The following PHACTR1 variants were observed in gnomAD, a reference collection of about 807,000 sequenced individuals.
The protein encoded by PHACTR1 is RPEL repeat containing 1.
Under a neutral mutation model 69.2 loss-of-function variants are expected in PHACTR1, and 16 were observed. The observed-to-expected ratio is 0.23, with a 90% confidence interval of 0.16 to 0.35. The LOEUF (loss-of-function observed/expected upper bound fraction) is 0.35. Ranked by LOEUF, PHACTR1 falls within the 10% of genes least tolerant of loss-of-function variation. The pLI, the probability that PHACTR1 is intolerant of heterozygous loss-of-function variation, is 1.00. For synonymous variants in PHACTR1, 312 were observed against 284.5 expected, an observed-to-expected ratio of 1.10 and a Z score of -0.97; for missense variants, 510 against 734.7, an observed-to-expected ratio of 0.69 and a Z score of 3.54.
chr6:13,190,190 A>ATTTTTTT (rs1583823890), intron 7 of PHACTR1, among the ~76,000 whole-genome samples: 4 of 29,218 alleles, frequency 1.4e-4, no homozygotes, highest in African/African-American at 6.4e-4. Context: ...TGCTCAGCTA[A>ATTTTTTT]TTTTTGTATT....
intron 8 of PHACTR1, among the ~76,000 whole-genome samples, chr6:13,220,960 G>A (rs954619607): frequency 2.0e-5 from 3 of 152,166 alleles, no homozygotes; most frequent in Admixed American, 6.5e-5. Context: ...TAAATGCTTA[G>A]CCTGTAATTA....
chr6:13,071,641 T>G (rs1378944587), intron 5 of PHACTR1, among the ~76,000 whole-genome samples: 1 of 152,172 alleles, frequency 6.6e-6, no homozygotes, highest in Non-Finnish European at 1.5e-5. Context: ...TATTGTAATG[T>G]TTGGTCTATT....
intron 4 of PHACTR1, among the ~76,000 whole-genome samples, chr6:12,814,241 A>G (rs548353810): frequency 2.0e-5 from 3 of 152,278 alleles, no homozygotes; most frequent in Non-Finnish European, 2.9e-5. Flanking sequence ...TAGTGTTGTG[A>G]TGAAAGAGGA....
intron 4 of PHACTR1, among the ~76,000 whole-genome samples, chr6:12,751,758 T>C (rs1766644859): frequency 6.6e-6 from 1 of 152,182 alleles, no homozygotes; most frequent in Non-Finnish European, 1.5e-5. Context: ...AAGCACTCAG[T>C]CCCTTCTATA....
chr6:13,091,495 A>G (rs1561817459), intron 5 of PHACTR1, among the ~76,000 whole-genome samples: 1 of 152,180 alleles, frequency 6.6e-6, no homozygotes, highest in Non-Finnish European at 1.5e-5. Flanking sequence ...CTTTTTTGGC[A>G]CCAGGGACCA....
intron 4 of PHACTR1, among the ~76,000 whole-genome samples, chr6:12,950,076 T>C (rs1401207670): frequency 6.6e-6 from 1 of 152,252 alleles, no homozygotes; most frequent in East Asian, 1.9e-4. Context: ...ATAATCATTT[T>C]GATAATTTCT....
intron 7 of PHACTR1, among the ~76,000 whole-genome samples, chr6:13,189,629 A>C (rs1416348516): frequency 1.3e-5 from 2 of 152,060 alleles, no homozygotes; most frequent in East Asian, 3.9e-4. Context: ...GGACCTCCTG[A>C]GCTCAAGTGA....
At chr6:13,142,187 C>G (rs140160898) in intron 5 of PHACTR1, among the ~76,000 whole-genome samples, 1 of 152,346 alleles carries the variant, frequency 6.6e-6, no homozygotes, top group East Asian at 1.9e-4. Context: ...CAACTACTGT[C>G]TGCCTCCTGG....
At position 13,244,301 on chromosome 6, in the gene PHACTR1, G is replaced by A. The variant is rs1226288278; in HGVS notation, c.1391+14108G>A. Among the ~76,000 whole-genome samples the A allele has an allele frequency of 5.9e-5, 9 of 152,302 alleles. No homozygotes were observed. In the South Asian group the frequency reaches 6.2e-4, roughly 11 times the overall value. Reference sequence around the variant, plus strand: ...ATCACAAGGCAAGTGGAGGCAGGGCGAGATCACAGGACCACAGCTGCCAGG... The same window carrying A: ...ATCACAAGGCAAGTGGAGGCAGGGCAAGATCACAGGACCACAGCTGCCAGG... On this transcript the variant is annotated intron_variant, in intron 10 of 14. Coordinates refer to ENST00000332995, the MANE Select transcript of PHACTR1 (RefSeq NM_030948.6).
At chr6:12,894,149 A>G (rs1320692737) in intron 4 of PHACTR1, among the ~76,000 whole-genome samples, 1 of 152,260 alleles carries the variant, frequency 6.6e-6, no homozygotes, top group Non-Finnish European at 1.5e-5. Context: ...TAACTCATCT[A>G]TTCAAGTACT....
intron 6 of PHACTR1, among the ~76,000 whole-genome samples, chr6:13,181,102 G>A (rs1470607859): frequency 6.7e-6 from 1 of 150,180 alleles, no homozygotes; most frequent in African/African-American, 2.5e-5. Context: ...GAAGATTCAG[G>A]TCAAACACCA....
At chr6:12,908,755 C>G (rs1357908364) in intron 4 of PHACTR1, among the ~76,000 whole-genome samples, 1 of 152,104 alleles carries the variant, frequency 6.6e-6, no homozygotes, top group Non-Finnish European at 1.5e-5. Context: ...GCAGGTCAGC[C>G]GGGTGCTGGA....
chr6:13,145,678 CT>C (rs1823227440), intron 5 of PHACTR1, among the ~76,000 whole-genome samples: 1 of 152,162 alleles, frequency 6.6e-6, no homozygotes, highest in South Asian at 2.1e-4. Flanking sequence ...AGAGAGCTCT[CT>C]TTCTCTGAGC....
intron 6 of PHACTR1, among the ~76,000 whole-genome samples, chr6:13,182,009 G>A (rs1227017257): frequency 2.0e-5 from 3 of 152,164 alleles, no homozygotes; most frequent in Non-Finnish European, 4.4e-5. Context: ...CCAGGTGGGC[G>A]GATCACCTGA....
intron 10 of PHACTR1, among the ~76,000 whole-genome samples, chr6:13,263,199 A>G (rs1043831161): frequency 5.3e-5 from 8 of 150,002 alleles, no homozygotes; most frequent in African/African-American, 2.0e-4. Context: ...TCTTTTTCCA[A>G]GGTCAAAACT....
intron 4 of PHACTR1, among the ~76,000 whole-genome samples, chr6:12,803,936 A>C (rs1258666660): frequency 6.6e-6 from 1 of 152,252 alleles, no homozygotes; most frequent in Non-Finnish European, 1.5e-5. Context: ...GAAAATCTCC[A>C]GGGAAAAGAA....
intron 10 of PHACTR1, among the ~76,000 whole-genome samples, chr6:13,238,483 C>A (rs777247616): frequency 3.3e-5 from 5 of 152,086 alleles, no homozygotes; most frequent in South Asian, 2.1e-4. Context: ...ATTTTATACT[C>A]CTAAGTAGTC....
At chr6:13,207,291 C>T (rs1476922516) in intron 8 of PHACTR1, among the ~76,000 whole-genome samples, 1 of 152,098 alleles carries the variant, frequency 6.6e-6, no homozygotes, top group Non-Finnish European at 1.5e-5. Flanking sequence ...AAGATGAGGA[C>T]TGGCAGGTGT....
At chr6:12,779,705 C>T (rs983647953) in intron 4 of PHACTR1, among the ~76,000 whole-genome samples, 15 of 152,232 alleles carry the variant, frequency 9.9e-5, no homozygotes, top group South Asian at 2.1e-4. Context: ...TTTATCGAAA[C>T]GGCTATTTTC....
Sources: allele counts gnomAD v4.1 joint callset (sites outside exome capture counted in the v4.1 genomes callset), GRCh38; gene constraint gnomAD v4.1.1; transcripts MANE v1.5; gene names NCBI Gene and HGNC (gene_info 2026-07-23, HGNC 2026-07-21).